CNTN5: variants seen among roughly 807,000 people sequenced by gnomAD.
The protein encoded by CNTN5 is contactin 5, also known as contactin-5.
A neutral mutation model predicts 129.1 loss-of-function variants in CNTN5; 77 were observed. The ratio of observed to expected loss-of-function variants is 0.60; its 90% CI spans 0.50 to 0.72. CNTN5 has a LOEUF of 0.72. CNTN5 is among the 30% of genes least tolerant of loss of function. The pLI, the probability that CNTN5 is intolerant of heterozygous loss-of-function variation, is 0.00. For synonymous variants in CNTN5, 509 were observed against 465.6 expected, an observed-to-expected ratio of 1.09 and a Z score of -1.20; for missense variants, 1,478 against 1,328.8, an observed-to-expected ratio of 1.11 and a Z score of -1.75.
At chr11:99,104,183 A>G (rs1199802569) in intron 1 of CNTN5, among the ~76,000 whole-genome samples, 4 of 152,186 alleles carry the variant, frequency 2.6e-5, no homozygotes, top group Non-Finnish European at 5.9e-5. Context: ...ATAATGGTTG[A>G]AAGTAGTTGA....
intron 13 of CNTN5, among the ~76,000 whole-genome samples, chr11:100,134,243 A>C (rs541503641): frequency 6.6e-6 from 1 of 152,270 alleles, no homozygotes; most frequent in Non-Finnish European, 1.5e-5. Context: ...TTACAAAAAT[A>C]AATGAAATAT....
chr11:99,102,870 A>C (rs1318943721), intron 1 of CNTN5, among the ~76,000 whole-genome samples: 2 of 152,100 alleles, frequency 1.3e-5, no homozygotes, highest in Admixed American at 1.3e-4. Context: ...TACTGGTACC[A>C]ATTTACTGTA....
intron 3 of CNTN5, among the ~76,000 whole-genome samples, chr11:99,749,307 A>G (rs978708590): frequency 6.6e-6 from 1 of 152,210 alleles, no homozygotes; most frequent in African/African-American, 2.4e-5. Context: ...AAAAAGATGT[A>G]AAAAACACAG....
At chr11:100,257,993 C>T (rs895214936) in intron 17 of CNTN5, among the ~76,000 whole-genome samples, 5 of 152,010 alleles carry the variant, frequency 3.3e-5, no homozygotes, top group Non-Finnish European at 7.4e-5. Flanking sequence ...CTCCTCCAAG[C>T]TAAAGGAGCA....
intron 1 of CNTN5, among the ~76,000 whole-genome samples, chr11:99,239,307 A>G: frequency 6.6e-6 from 1 of 152,120 alleles, no homozygotes; most frequent in East Asian, 1.9e-4. Context: ...GTTTTAAATT[A>G]TTTTCTAGTT....
chr11:100,060,640 C>CTTTTTTTTTTTTTTT (rs10700520), intron 9 of CNTN5, among the ~76,000 whole-genome samples: 1 of 137,422 alleles, frequency 7.3e-6, no homozygotes, highest in African/African-American at 2.7e-5. Flanking sequence ...AATTTTTTTT[C>CTTTTTTTTTTTTTTT]TTTTTTTTTT....
At chr11:99,104,620 A>G (rs1237189848) in intron 1 of CNTN5, among the ~76,000 whole-genome samples, 1 of 109,304 alleles carries the variant, frequency 9.1e-6, no homozygotes, top group Non-Finnish European at 1.8e-5. Flanking sequence ...GTGTGTGTAT[A>G]TATATATATA....
chr11:99,546,278 G>T (rs1276359335), intron 2 of CNTN5, among the ~76,000 whole-genome samples: 3 of 152,140 alleles, frequency 2.0e-5, no homozygotes, highest in Non-Finnish European at 2.9e-5. Context: ...GGGCTAGAAA[G>T]GGTAGCCTTC....
intron 1 of CNTN5, among the ~76,000 whole-genome samples, chr11:99,265,210 G>T (rs894603170): frequency 4.7e-5 from 5 of 107,044 alleles, no homozygotes; most frequent in African/African-American, 1.7e-4. Context: ...TAATATTGCA[G>T]AAAAAATGTT....
At chr11:99,554,620 C>T (rs1948606845) in intron 2 of CNTN5, among the ~76,000 whole-genome samples, 1 of 152,056 alleles carries the variant, frequency 6.6e-6, no homozygotes. Flanking sequence ...TGAGCACAAG[C>T]TCATAAAAAT....
intron 1 of CNTN5, among the ~76,000 whole-genome samples, chr11:99,218,914 G>A (rs2135696333): frequency 6.6e-6 from 1 of 152,108 alleles, no homozygotes; most frequent in African/African-American, 2.4e-5. Flanking sequence ...GAAGGTAGGA[G>A]CCATTTAGAA....
chr11:99,865,903 T>C (rs1948342497), intron 6 of CNTN5, among the ~76,000 whole-genome samples: 1 of 152,134 alleles, frequency 6.6e-6, no homozygotes, highest in African/African-American at 2.4e-5. Flanking sequence ...TGGATTCAAG[T>C]TTTTTAGTTT....
intron 4 of CNTN5, among the ~76,000 whole-genome samples, chr11:99,833,255 C>G (rs536772450): frequency 6.6e-6 from 1 of 152,120 alleles, no homozygotes; most frequent in East Asian, 1.9e-4. Flanking sequence ...CGGACACTAA[C>G]TTGATCCTAG....
In CNTN5 at chr11:99,580,667, G is replaced by A. The variant is rs192826473; in HGVS notation, c.55+24398G>A. On this transcript the variant is annotated intron_variant, in intron 3 of 24. Transcript: ENST00000524871. ...TGGTAGTTTGTAGTTCTGTGGGGTC[G>A]GTGGTGATATCCCCTTTGTCATTTT... 3.2e-4 allele frequency among the ~76,000 whole-genome samples: 49 copies of A among 151,964 alleles called. 3 individuals are homozygous for A. The highest frequency in any genetic ancestry group is 3.1e-3 in the East Asian group (16 of 5,178).
At chr11:99,594,174 T>G (rs1950059312) in intron 3 of CNTN5, among the ~76,000 whole-genome samples, 1 of 152,234 alleles carries the variant, frequency 6.6e-6, no homozygotes, top group East Asian at 1.9e-4. Context: ...GTTGCTTTAT[T>G]GTGAAGAAGC....
chr11:99,951,462 C>A (rs1950674315), intron 7 of CNTN5, among the ~76,000 whole-genome samples: 1 of 151,978 alleles, frequency 6.6e-6, no homozygotes, highest in Non-Finnish European at 1.5e-5. Flanking sequence ...TCTATATGAT[C>A]CATTAAATAA....
intron 3 of CNTN5, among the ~76,000 whole-genome samples, chr11:99,632,402 C>A (rs984493453): frequency 2.0e-5 from 3 of 152,044 alleles, no homozygotes; most frequent in Admixed American, 6.6e-5. Flanking sequence ...CATTTCACAG[C>A]TAAAGTACAG....
intron 6 of CNTN5, among the ~76,000 whole-genome samples, chr11:99,870,959 G>A (rs924041770): frequency 1.4e-4 from 21 of 152,072 alleles, no homozygotes; most frequent in Non-Finnish European, 2.4e-4. Context: ...GTATTTCTTG[G>A]GAGGCGTGAC....
intron 6 of CNTN5, among the ~76,000 whole-genome samples, chr11:99,850,500 T>C (rs1333672206): frequency 1.3e-5 from 2 of 152,166 alleles, no homozygotes; most frequent in Non-Finnish European, 2.9e-5. Context: ...GTTTTTAAAG[T>C]TTCATTTCTA....
Sources: gnomAD v4.1 joint callset for allele counts (sites outside exome capture counted in the v4.1 genomes callset) on GRCh38, gnomAD v4.1.1 for gene constraint, MANE v1.5 for transcripts, NCBI Gene and HGNC (gene_info 2026-07-23, HGNC 2026-07-21) for gene names.